Variants in PTPRN2 observed in about 807,000 individuals in gnomAD.
The protein encoded by PTPRN2 is receptor-type tyrosine-protein phosphatase N2.
PTPRN2 carries 74 observed loss-of-function variants against 118.8 expected under a neutral mutation model. That is an observed-to-expected ratio of 0.62 (90% confidence interval 0.52 to 0.76). The LOEUF is 0.76. Ranked by LOEUF, PTPRN2 falls within the 30% of genes least tolerant of loss-of-function variation. The probability of loss-of-function intolerance (pLI) is 0.00; values close to 1 mark genes in which losing one functional copy is unlikely to be tolerated. For synonymous variants in PTPRN2, 641 were observed against 608.0 expected, an observed-to-expected ratio of 1.05 and a Z score of -0.80; for missense variants, 1,481 against 1,394.4, an observed-to-expected ratio of 1.06 and a Z score of -0.99.
At chr7:157,565,935 C>T (rs1269583892) in intron 21 of PTPRN2, among the ~76,000 whole-genome samples, 1 of 152,248 alleles carries the variant, frequency 6.6e-6, no homozygotes, top group Non-Finnish European at 1.5e-5. Flanking sequence ...TACTTTCCTG[C>T]CACAAAACCC....
intron 2 of PTPRN2, among the ~76,000 whole-genome samples, chr7:158,476,279 C>T (rs1304759685): frequency 3.3e-5 from 5 of 152,384 alleles, no homozygotes; most frequent in Non-Finnish European, 7.3e-5. Flanking sequence ...GCTGGGATTA[C>T]AGGCGTGAGC....
At chr7:157,644,833 CA>C (rs1189759669) in intron 14 of PTPRN2, among the ~76,000 whole-genome samples, 1 of 151,230 alleles carries the variant, frequency 6.6e-6, no homozygotes. Flanking sequence ...CAAAAGAAAA[CA>C]AAACAAAAGC....
intron 1 of PTPRN2, among the ~76,000 whole-genome samples, chr7:158,554,769 A>T (rs1826867691): frequency 6.6e-6 from 1 of 151,800 alleles, no homozygotes; most frequent in African/African-American, 2.4e-5. Context: ...GGACTATAGG[A>T]TGTGGCTCCC....
chr7:157,731,091 G>A (rs978647681), intron 12 of PTPRN2, among the ~76,000 whole-genome samples: 5 of 152,138 alleles, frequency 3.3e-5, no homozygotes, highest in African/African-American at 4.8e-5. Flanking sequence ...GTTCCCAGCA[G>A]CCTTAGGACA....
intron 2 of PTPRN2, among the ~76,000 whole-genome samples, chr7:158,319,638 C>T (rs1331306273): frequency 9.2e-6 from 1 of 109,198 alleles, no homozygotes; most frequent in African/African-American, 3.8e-5. Flanking sequence ...CTCACACACA[C>T]ACAGCCTCCC....
In PTPRN2 at chr7:157,734,151, C is replaced by A. The variant is rs1261680555; in HGVS notation, c.1789-51214G>T. Among the ~76,000 whole-genome samples the A allele has an allele frequency of 2.2e-5, 3 of 138,270 alleles. No individual in the cohort carries two copies. The East Asian group carries it at 6.8e-4, about 31-fold the overall frequency. 90.7% of individuals were successfully genotyped at this position (138,270 alleles called of 152,430 possible). Reference sequence around the variant, plus strand: ...ACCCTTTCCCGTCCCAGGCGCCCAGCACAGTTACTCTTTTCCACCCCATGC... The same window carrying A: ...ACCCTTTCCCGTCCCAGGCGCCCAGAACAGTTACTCTTTTCCACCCCATGC... On this transcript the variant is annotated intron_variant, in intron 12 of 22. Coordinates refer to ENST00000389418, the MANE Select transcript of PTPRN2 (RefSeq NM_002847.5).
intron 6 of PTPRN2, among the ~76,000 whole-genome samples, chr7:158,164,443 T>C (rs1822724865): frequency 1.6e-5 from 1 of 60,954 alleles, no homozygotes; most frequent in Non-Finnish European, 3.5e-5. Context: ...GGAGGGTGCG[T>C]AGGAAGGACA....
At chr7:158,490,196 G>A (rs1000018598) in intron 1 of PTPRN2, among the ~76,000 whole-genome samples, 1 of 152,244 alleles carries the variant, frequency 6.6e-6, no homozygotes, top group Non-Finnish European at 1.5e-5. Context: ...GCCGGGCGCC[G>A]GGGAGCGGAG....
chr7:158,301,129 G>A (rs967738338), intron 3 of PTPRN2, among the ~76,000 whole-genome samples: 6 of 152,204 alleles, frequency 3.9e-5, no homozygotes, highest in African/African-American at 1.2e-4. Context: ...AAGTCAAGAC[G>A]GAGATTGTGA....
At chr7:158,333,932 A>ACAC (rs1805048393) in intron 2 of PTPRN2, among the ~76,000 whole-genome samples, 1 of 97,902 alleles carries the variant, frequency 1.0e-5, no homozygotes, top group Non-Finnish European at 2.0e-5. Context: ...CACTCTCACC[A>ACAC]TAAGAGCTGT....
chr7:158,495,113 C>T (rs1821734268), intron 1 of PTPRN2, among the ~76,000 whole-genome samples: 1 of 152,086 alleles, frequency 6.6e-6, no homozygotes, highest in African/African-American at 2.4e-5. Context: ...ACAGATGTCA[C>T]CTGCAGCAGT....
At chr7:158,548,984 G>A (rs989970024) in intron 1 of PTPRN2, among the ~76,000 whole-genome samples, 3 of 152,190 alleles carry the variant, frequency 2.0e-5, no homozygotes, top group Admixed American at 6.5e-5. Context: ...GCCAACGCCC[G>A]GCCCCCGCTT....
chr7:158,350,753 C>T (rs777553605), intron 2 of PTPRN2, among the ~76,000 whole-genome samples: 5 of 152,148 alleles, frequency 3.3e-5, no homozygotes, highest in Non-Finnish European at 7.4e-5. Context: ...GCCAGTGCCT[C>T]GCCTCACCTC....
At chr7:158,137,005 A>G (rs1271970924) in intron 7 of PTPRN2, among the ~76,000 whole-genome samples, 1 of 152,068 alleles carries the variant, frequency 6.6e-6, no homozygotes, top group Admixed American at 6.6e-5. Context: ...ACCCCATCGT[A>G]CCGAGCAGTT....
intron 14 of PTPRN2, among the ~76,000 whole-genome samples, chr7:157,648,509 G>C (rs1484490537): frequency 1.8e-5 from 2 of 112,502 alleles, no homozygotes; most frequent in Non-Finnish European, 3.7e-5. Context: ...GACCCATCCA[G>C]CGTGCACTGA....
intron 19 of PTPRN2, among the ~76,000 whole-genome samples, chr7:157,575,315 G>A (rs1362565632): frequency 6.6e-6 from 1 of 152,200 alleles, no homozygotes; most frequent in African/African-American, 2.4e-5. Context: ...CGTATTGACA[G>A]AATGTACATA....
intron 2 of PTPRN2, among the ~76,000 whole-genome samples, chr7:158,357,457 A>T (rs1354104223): frequency 2.0e-5 from 3 of 152,212 alleles, no homozygotes; most frequent in Non-Finnish European, 4.4e-5. Flanking sequence ...GGTAGACGCC[A>T]GGCTATGCTC....
intron 1 of PTPRN2, among the ~76,000 whole-genome samples, chr7:158,562,163 C>A (rs890356221): frequency 6.6e-6 from 1 of 152,216 alleles, no homozygotes; most frequent in Non-Finnish European, 1.5e-5. Flanking sequence ...GCTCTGAAGG[C>A]TGTGAAGTCG....
intron 12 of PTPRN2, among the ~76,000 whole-genome samples, chr7:157,804,194 T>C (rs1280554778): frequency 6.6e-5 from 10 of 152,234 alleles, no homozygotes; most frequent in Admixed American, 4.6e-4. Flanking sequence ...GTTTACCCAA[T>C]GCCCCCGCGA....
Sources: gnomAD v4.1 joint callset for allele counts (sites outside exome capture counted in the v4.1 genomes callset) on GRCh38, gnomAD v4.1.1 for gene constraint, MANE v1.5 for transcripts, NCBI Gene and HGNC (gene_info 2026-07-23, HGNC 2026-07-21) for gene names.